CSMD3: variants seen among roughly 807,000 people sequenced by gnomAD.
CSMD3 encodes CUB and sushi domain-containing protein 3.
Under a neutral mutation model 435.2 loss-of-function variants are expected in CSMD3, and 177 were observed. The observed-to-expected ratio is 0.41, with a 90% confidence interval of 0.36 to 0.46. The LOEUF is 0.46. Among genes scored for constraint, CSMD3 ranks in the 20% least tolerant of loss-of-function variants. The pLI, the probability that CSMD3 is intolerant of heterozygous loss-of-function variation, is 0.34. For missense variants in CSMD3, 4,265 were observed against 4,504.6 expected (o/e 0.95, Z 1.52); for synonymous variants, 1,656 against 1,520.5 (o/e 1.09, Z -2.07).
chr8:112,859,629 C>A (rs1224291556), intron 10 of CSMD3, among the ~76,000 whole-genome samples: 1 of 151,650 alleles, frequency 6.6e-6, no homozygotes, highest in Admixed American at 6.6e-5. Context: ...ATGAAGCAAT[C>A]TAAGAAGTGT....
chr8:113,312,932 T>C (rs989417036), intron 2 of CSMD3: 8 of 152,056 alleles, frequency 5.3e-5, no homozygotes, highest in African/African-American at 1.9e-4. Flanking sequence ...TAAACGAGTA[T>C]AGAGGAAAAA....
chr8:112,322,615 T>C (rs1364561821), intron 45 of CSMD3, among the ~76,000 whole-genome samples: 2 of 152,078 alleles, frequency 1.3e-5, no homozygotes, highest in Admixed American at 6.6e-5. Context: ...ATTCCCTTGA[T>C]TCTTTTGGCT....
At chr8:113,335,963 T>C (rs933502231) in intron 1 of CSMD3, among the ~76,000 whole-genome samples, 16 of 152,212 alleles carry the variant, frequency 1.1e-4, no homozygotes, top group Non-Finnish European at 2.1e-4. Context: ...GGTTTGACTC[T>C]TGCCAAATTT....
At chr8:112,519,082 G>A (rs1824010017) in intron 27 of CSMD3, among the ~76,000 whole-genome samples, 1 of 152,012 alleles carries the variant, frequency 6.6e-6, no homozygotes, top group African/African-American at 2.4e-5. Flanking sequence ...GATGAGATTT[G>A]GGTGGTGACA....
At chr8:113,161,219 A>C (rs1006006882) in intron 4 of CSMD3, among the ~76,000 whole-genome samples, 1 of 152,146 alleles carries the variant, frequency 6.6e-6, no homozygotes, top group Non-Finnish European at 1.5e-5. Flanking sequence ...CATTGCTTCA[A>C]TGAATTCAAA....
chr8:112,948,977 A>T lies in CSMD3; in HGVS notation c.1421-1100T>A, dbSNP rs141398252. ...CATGCTGGTGTGCAGCAGCACAATC[A>T]TAGTTCACTGTAGCTTTGGAATCCT... On this transcript the variant is annotated intron_variant, in intron 8 of 70. Coordinates refer to ENST00000297405, the MANE Select transcript of CSMD3 (RefSeq NM_198123.2). 1.4e-3 allele frequency among the ~76,000 whole-genome samples: 207 copies of T among 152,072 alleles called. 3 individuals carry two copies. In the East Asian group the frequency reaches 0.034, roughly 25 times the overall value.
chr8:113,143,948 T>C (rs1368907860), intron 4 of CSMD3, among the ~76,000 whole-genome samples: 2 of 151,422 alleles, frequency 1.3e-5, no homozygotes, highest in Non-Finnish European at 3.0e-5. Flanking sequence ...AGAAACTGGG[T>C]AGTGGATACA....
chr8:112,435,134 T>C (rs749803402), intron 32 of CSMD3, among the ~76,000 whole-genome samples: 4 of 152,088 alleles, frequency 2.6e-5, no homozygotes, highest in Non-Finnish European at 5.9e-5. Flanking sequence ...GACAATGTTT[T>C]TGAAATAAGC....
chr8:113,091,715 A>G (rs1412227024), intron 5 of CSMD3, among the ~76,000 whole-genome samples: 1 of 81,860 alleles, frequency 1.2e-5, no homozygotes, highest in Non-Finnish European at 2.0e-5. Context: ...ATTTTGTTTA[A>G]TCTTTTCAAA....
chr8:113,236,458 C>A (rs2093150587), intron 3 of CSMD3, among the ~76,000 whole-genome samples: 1 of 152,134 alleles, frequency 6.6e-6, no homozygotes. Context: ...AGCTGCGGGG[C>A]TGAATAGAAC....
intron 3 of CSMD3, among the ~76,000 whole-genome samples, chr8:113,242,839 G>A (rs1268973393): frequency 1.3e-5 from 2 of 151,710 alleles, no homozygotes; most frequent in African/African-American, 2.4e-5. Context: ...TATAGGTAAA[G>A]TTCTCACGAT....
intron 5 of CSMD3, among the ~76,000 whole-genome samples, chr8:113,058,041 G>A (rs1435132312): frequency 2.6e-5 from 4 of 151,650 alleles, no homozygotes; most frequent in Non-Finnish European, 4.4e-5. Context: ...TGATCTGAAA[G>A]GGAGGATTTT....
At chr8:112,897,801 A>G (rs2081995336) in intron 10 of CSMD3, among the ~76,000 whole-genome samples, 1 of 150,796 alleles carries the variant, frequency 6.6e-6, no homozygotes, top group South Asian at 2.1e-4. Flanking sequence ...AAAAAGTGAA[A>G]GACAAAATAC....
intron 13 of CSMD3, among the ~76,000 whole-genome samples, chr8:112,730,155 T>C (rs959423961): frequency 2.0e-5 from 3 of 152,084 alleles, no homozygotes; most frequent in Admixed American, 6.6e-5. Flanking sequence ...AGATTAATTA[T>C]AATGAAAGAC....
At chr8:113,251,258 G>A (rs1282950159) in intron 3 of CSMD3, among the ~76,000 whole-genome samples, 1 of 151,896 alleles carries the variant, frequency 6.6e-6, no homozygotes, top group Non-Finnish European at 1.5e-5. Context: ...GAGAAACAGA[G>A]AGAAACAGTA....
At chr8:113,426,581 C>A (rs1563810277) in intron 1 of CSMD3, among the ~76,000 whole-genome samples, 1 of 151,098 alleles carries the variant, frequency 6.6e-6, no homozygotes, top group East Asian at 1.9e-4. Flanking sequence ...TAACAAAACA[C>A]AGCTGTAAGT....
intron 27 of CSMD3, among the ~76,000 whole-genome samples, chr8:112,543,468 C>A (rs980045316): frequency 1.3e-5 from 2 of 151,860 alleles, no homozygotes; most frequent in Non-Finnish European, 2.9e-5. Flanking sequence ...AAATGGACAA[C>A]AGGTATATAA....
intron 22 of CSMD3, among the ~76,000 whole-genome samples, chr8:112,629,042 T>G (rs1342275058): frequency 6.6e-6 from 1 of 152,128 alleles, no homozygotes; most frequent in Non-Finnish European, 1.5e-5. Context: ...GAATGAAGAT[T>G]AGAGTGCTGT....
chr8:112,687,043 T>A (rs895714812), intron 14 of CSMD3, among the ~76,000 whole-genome samples: 4 of 152,128 alleles, frequency 2.6e-5, no homozygotes, highest in African/African-American at 9.6e-5. Flanking sequence ...GAAAGCTTTT[T>A]TGTTCATTAT....
Sources: gnomAD v4.1 joint callset for allele counts (sites outside exome capture counted in the v4.1 genomes callset) on GRCh38, gnomAD v4.1.1 for gene constraint, MANE v1.5 for transcripts, NCBI Gene and HGNC (gene_info 2026-07-23, HGNC 2026-07-21) for gene names.